Variants in CAMTA1 observed in about 807,000 individuals in gnomAD.
CAMTA1 encodes calmodulin-binding transcription activator 1.
CAMTA1 carries 27 observed loss-of-function variants against 170.9 expected under a neutral mutation model. The ratio of observed to expected loss-of-function variants is 0.16; its 90% confidence interval spans 0.12 to 0.22. CAMTA1 has a LOEUF of 0.22. Ranked by LOEUF, CAMTA1 falls within the 10% of genes least tolerant of loss-of-function variation. The pLI, the probability that CAMTA1 is intolerant of heterozygous loss-of-function variation, is 1.00. For synonymous variants in CAMTA1, 833 were observed against 891.5 expected (o/e 0.93, Z 1.17); for missense variants, 1,619 against 2,217.2 (o/e 0.73, Z 5.42).
Position 7,732,478 on chromosome 1 carries a change from G to T in CAMTA1, c.2945G>T (p.Arg982Leu). ...CAGTTCAGGATGTCCATCCTGGAAC[G>T]ACTGGAGCAGATGGAGAGGAGGATG... ...DNQFRMSILE[R>L]LEQMERRMAE... The change falls in exon 12 of 23, where the codon CGA (arginine) becomes CTA (leucine). Residue 982 changes from arginine (R) to leucine (L), a missense_variant. By Grantham distance (102) the Arg-to-Leu change is moderately radical. Transcript: ENST00000303635. This position sits in a 1 kb window ranked among gnomAD's most constrained non-coding sequence, Gnocchi z 4.1. 1 of 1,614,012 alleles carries T rather than the reference G, an allele frequency of 6.2e-7. No homozygotes were observed. Among genetic ancestry groups the T allele is most frequent in the Non-Finnish European group, 8.5e-7 (1 of 1,180,018 alleles).
intron 6 of CAMTA1, among the ~76,000 whole-genome samples, chr1:7,583,055 A>G (rs2095275112): frequency 6.6e-6 from 1 of 152,028 alleles, no homozygotes; most frequent in African/African-American, 2.4e-5. Context: ...GCCATCAGCT[A>G]AGAAGGACCA....
intron 6 of CAMTA1, among the ~76,000 whole-genome samples, chr1:7,484,855 T>A (rs919949474): frequency 2.6e-5 from 4 of 151,896 alleles, no homozygotes; most frequent in Non-Finnish European, 5.9e-5. Context: ...TGATAACCCC[T>A]GATAGAGCCG....
At chr1:7,416,126 T>A (rs1251321159) in intron 5 of CAMTA1, among the ~76,000 whole-genome samples, 1 of 152,236 alleles carries the variant, frequency 6.6e-6, no homozygotes. Flanking sequence ...TGCTGAGAGA[T>A]CCGCTGTTAG....
intron 3 of CAMTA1, among the ~76,000 whole-genome samples, chr1:6,977,487 C>T (rs1047875571): frequency 6.6e-5 from 10 of 152,244 alleles, no homozygotes; most frequent in Admixed American, 3.3e-4. Context: ...ACTACACGTG[C>T]GTGCCACCAC....
intron 3 of CAMTA1, among the ~76,000 whole-genome samples, chr1:7,075,210 G>A (rs1239148811): frequency 6.6e-6 from 1 of 152,060 alleles, no homozygotes; most frequent in Non-Finnish European, 1.5e-5. Context: ...AGTGTCCAAG[G>A]GTAGAAAGAA....
At chr1:7,694,638 A>G (rs1319876925) in intron 11 of CAMTA1, 2 of 152,420 alleles carry the variant, frequency 1.3e-5, no homozygotes, top group South Asian at 2.1e-4. Context: ...CAATGGCTCC[A>G]TTTGCTGTGC....
intron 3 of CAMTA1, among the ~76,000 whole-genome samples, chr1:6,853,862 A>G (rs1661290953): frequency 6.6e-6 from 1 of 152,234 alleles, no homozygotes; most frequent in Admixed American, 6.5e-5. Flanking sequence ...AGGAAGTTAC[A>G]ACAGTTCTAC....
At chr1:7,445,380 G>A (rs1557726784) in intron 5 of CAMTA1, among the ~76,000 whole-genome samples, 1 of 151,854 alleles carries the variant, frequency 6.6e-6, no homozygotes, top group African/African-American at 2.4e-5. Context: ...GTGAGGAAGG[G>A]GAAGCCCATG....
rs1673479255 is a variant in CAMTA1, at chr1:6,887,242, C to G, written c.234+62032C>G. Among the ~76,000 whole-genome samples the G allele has an allele frequency of 6.6e-6, 1 of 152,196 alleles. No individual in the cohort carries two copies. The highest frequency in any genetic ancestry group is 2.4e-5 in the African/African-American group (1 of 41,440). ...AATATGCATAGTAAGTAAAAAAATT[C>G]TTCCAAAATTAGTGTTAATTGAATC... On this transcript the variant is annotated intron_variant, in intron 3 of 22. Coordinates refer to ENST00000303635, the MANE Select transcript of CAMTA1 (RefSeq NM_015215.4). This position sits in a 1 kb window ranked among gnomAD's most constrained non-coding sequence, Gnocchi z 4.1.
In CAMTA1 at chr1:7,173,028, G is replaced by A. The variant is rs186812289; in HGVS notation, c.303-76463G>A. Among the ~76,000 whole-genome samples the A allele has an allele frequency of 2.0e-5, 3 of 152,354 alleles. No homozygotes were observed. The highest frequency in any genetic ancestry group is 7.2e-5 in the African/African-American group (3 of 41,592). On this transcript the variant is annotated intron_variant, in intron 4 of 22. Coordinates refer to ENST00000303635, the MANE Select transcript of CAMTA1 (RefSeq NM_015215.4). The surrounding 1 kb of genome is among the most constrained non-coding windows in gnomAD (Gnocchi z 5.4). ...CTGTGTCCATCCATCCCGTGCTGGA[G>A]CGTGGCTGGGGACAGGCTGTGCGGG... is the stretch of plus-strand genomic sequence containing the variant.
At chr1:7,040,501 T>A (rs957277710) in intron 3 of CAMTA1, among the ~76,000 whole-genome samples, 4 of 152,164 alleles carry the variant, frequency 2.6e-5, no homozygotes, top group African/African-American at 9.7e-5. Context: ...ATTCATTAAT[T>A]CCATCAAGAA....
chr1:7,704,577 C>G (rs2096485540), intron 11 of CAMTA1, among the ~76,000 whole-genome samples: 1 of 148,578 alleles, frequency 6.7e-6, no homozygotes, highest in Admixed American at 6.7e-5. Context: ...CGCCGAGCGG[C>G]TCCGCGCCCC....
In CAMTA1 at chr1:6,785,976, G is replaced by A. The variant is rs530465977; in HGVS notation, c.45+401G>A. On this transcript the variant is annotated intron_variant, in intron 1 of 22. Transcript: ENST00000303635. The stretch of plus-strand genomic sequence containing the variant: ...ACCCCCGGCGCTGGGTCCACGGTGG[G>A]GGCCGCGGGGCGGAAAGTTTATCCG... 3.3e-5 allele frequency among the ~76,000 whole-genome samples: 5 copies of A among 151,088 alleles called. No homozygotes were observed. In the East Asian group the frequency reaches 9.9e-4, roughly 30 times the overall value.
At chr1:7,495,868 C>T (rs1188175828) in intron 6 of CAMTA1, among the ~76,000 whole-genome samples, 1 of 152,246 alleles carries the variant, frequency 6.6e-6, no homozygotes, top group Non-Finnish European at 1.5e-5. Context: ...GCTAAACCCG[C>T]CCAGGAAAGC....
At chr1:7,255,129 G>A (rs1667172470) in intron 5 of CAMTA1, among the ~76,000 whole-genome samples, 1 of 152,128 alleles carries the variant, frequency 6.6e-6, no homozygotes, top group Non-Finnish European at 1.5e-5. Flanking sequence ...ACATACCTGG[G>A]CCTGTCAGGG....
intron 6 of CAMTA1, among the ~76,000 whole-genome samples, chr1:7,563,233 G>A (rs1394995109): frequency 2.0e-5 from 3 of 152,234 alleles, no homozygotes; most frequent in Admixed American, 2.0e-4. Context: ...ACAGAGACAG[G>A]ACACTAAGTA....
intron 3 of CAMTA1, among the ~76,000 whole-genome samples, chr1:6,923,189 T>A (rs567005763): frequency 2.0e-5 from 3 of 152,282 alleles, no homozygotes; most frequent in African/African-American, 7.2e-5. Context: ...GTTGAGCGCT[T>A]GCTGTGTGCA....
chr1:7,264,334 A>G, intron 5 of CAMTA1, among the ~76,000 whole-genome samples: 1 of 152,192 alleles, frequency 6.6e-6, no homozygotes, highest in East Asian at 1.9e-4. Context: ...CTGCTGATCA[A>G]CAAGTACCAC....
rs1050648647 is a variant in CAMTA1 at position 7,129,954 on chromosome 1, TGA to T, written c.302+38586_302+38587del. Among the ~76,000 whole-genome samples the T allele has an allele frequency of 3.6e-5, 5 of 139,182 alleles. No individual in the cohort carries two copies. In the East Asian group the frequency reaches 6.3e-4, roughly 18 times the overall value. The allele number at this position is 139,182 out of a possible 152,430, so 91.3% of individuals were successfully genotyped here. A position where few individuals can be genotyped will look rare whatever the true frequency, so the allele number is the denominator to read the frequency against. On this transcript the variant is annotated intron_variant, in intron 4 of 22. Transcript: ENST00000303635. The stretch of plus-strand genomic sequence containing the variant: ...GTGTGTGTGTGTGTGTGTGTGTGTG[TGA>T]GATGGAGTTTTACTCTGTCACCCAG...
Sources: allele counts gnomAD v4.1 joint callset (sites outside exome capture counted in the v4.1 genomes callset), GRCh38; gene constraint gnomAD v4.1.1; non-coding constraint Gnocchi (gnomAD v3.1); transcripts MANE v1.5; gene names NCBI Gene and HGNC (gene_info 2026-07-23, HGNC 2026-07-21).